Variants in NCOR2 observed in about 807,000 individuals in gnomAD.
The protein encoded by NCOR2 is nuclear receptor corepressor 2, also known as CTG repeat protein 26.
Under a neutral mutation model 262.9 loss-of-function variants are expected in NCOR2, and 81 were observed. That is an observed-to-expected ratio of 0.31 (90% CI 0.26 to 0.37). The LOEUF is 0.37. NCOR2 is among the 10% of genes least tolerant of loss of function. The probability of loss-of-function intolerance (pLI) is 1.00; values close to 1 mark genes in which losing one functional copy is unlikely to be tolerated. For synonymous variants in NCOR2, 1,659 were observed against 1,559.3 expected, an observed-to-expected ratio of 1.06 and a Z score of -1.51; for missense variants, 3,385 against 3,621.4, an observed-to-expected ratio of 0.93 and a Z score of 1.68.
At chr12:124,351,945 C>A (rs759319835) in intron 27 of NCOR2, among the ~76,000 whole-genome samples, 2 of 152,172 alleles carry the variant, frequency 1.3e-5, no homozygotes, top group Non-Finnish European at 2.9e-5. Context: ...TGGGGACATC[C>A]CCTGGCAGAG....
intron 17 of NCOR2, chr12:124,383,393 T>A: frequency 3.2e-6 from 1 of 315,740 alleles, no homozygotes; most frequent in South Asian, 1.0e-4. Flanking sequence ...CAGTGGGATC[T>A]CTGGCTGCAT....
intron 34 of NCOR2, 38 bp from the exon 37 acceptor site, chr12:124,340,789 A>AG: frequency 6.8e-7 from 1 of 1,473,516 alleles, no homozygotes; most frequent in Non-Finnish European, 8.9e-7. Context: ...AGCCACAGGG[A>AG]GGAGAGAGGC....
At chr12:124,446,836 C>G (rs147739853) in intron 7 of NCOR2, among the ~76,000 whole-genome samples, 25 of 152,290 alleles carry the variant, frequency 1.6e-4, no homozygotes, top group African/African-American at 5.8e-4. Flanking sequence ...AATTTACACA[C>G]AAAGGTTTTT....
chr12:124,524,507 G>A lies in NCOR2; in HGVS notation c.-118+11058C>T, dbSNP rs181723652. 4.6e-5 allele frequency among the ~76,000 whole-genome samples: 7 copies of A among 152,284 alleles called. No individual in the cohort carries two copies. In the East Asian group the frequency reaches 1.4e-3, roughly 29 times the overall value. Reference sequence around the variant, plus strand: ...TGGCTGGGCTGGGCTGGTGGCATGAGCCTGTCTGAGAACAAGGCCCGCATG... The same window carrying A: ...TGGCTGGGCTGGGCTGGTGGCATGAACCTGTCTGAGAACAAGGCCCGCATG... On this transcript the variant is annotated intron_variant, in intron 1 of 46. Coordinates refer to the NCOR2 transcript ENST00000404621.
At chr12:124,325,384 C>CCCCCT (rs1555297263) in exon 47 of NCOR2, 19 of 486,604 alleles carry the variant, frequency 3.9e-5, no homozygotes, top group Admixed American at 6.0e-5. Context: ...ACCGCCCCCC[C>CCCCCT]CCCCGCCCTG....
chr12:124,432,252 A>G lies in NCOR2; in HGVS notation c.883-1465T>C, dbSNP rs2044001316. Among the ~76,000 whole-genome samples, 1 of 152,166 alleles carries G rather than the reference A, an allele frequency of 6.6e-6. No homozygotes were observed. The highest frequency in any genetic ancestry group is 1.5e-5 in the Non-Finnish European group (1 of 68,018). On this transcript the variant is annotated intron_variant, in intron 8 of 46. Transcript: ENST00000405201. This position sits in a 1 kb window ranked among gnomAD's most constrained non-coding sequence, Gnocchi z 5.1. ...CACACACACATCACACAGGCAGACGACAGAAAGACAGGCACATAGTTGCAT... is the reference window on the plus strand; with the variant it reads ...CACACACACATCACACAGGCAGACGGCAGAAAGACAGGCACATAGTTGCAT...
chr12:124,486,391 G>T, intron 2 of NCOR2, 50 bp downstream of exon 4: 1 of 1,602,614 alleles, frequency 6.2e-7, no homozygotes, highest in South Asian at 1.1e-5. Context: ...TTCTCCATCT[G>T]AGAAGGAGCT....
At chr12:124,449,971 G>A (rs1381601617) in intron 6 of NCOR2, 104 bp from the exon 9 acceptor site, 7 of 1,193,958 alleles carry the variant, frequency 5.9e-6, no homozygotes, top group Non-Finnish European at 7.2e-6. Context: ...GCTGTCCTCT[G>A]GGTGAGGGCT....
At chr12:124,560,464 G>A (rs902807764) in intron 1 of NCOR2, among the ~76,000 whole-genome samples, 11 of 152,200 alleles carry the variant, frequency 7.2e-5, no homozygotes, top group African/African-American at 2.7e-4. Context: ...CTCAGCTTGT[G>A]CACCATACAG....
At chr12:124,340,464 A>G in intron 35 of NCOR2, 21 bp from the exon 38 acceptor site, 8 of 1,608,520 alleles carry the variant, frequency 5.0e-6, no homozygotes, top group Non-Finnish European at 6.8e-6. Flanking sequence ...CAAAGGCCAG[A>G]GACTCAGCCC....
In NCOR2 at chr12:124,504,651, C is replaced by CA. The variant is rs2048948345; in HGVS notation, c.-117-9284dup. On this transcript the variant is annotated intron_variant, in intron 1 of 46. Transcript: ENST00000404621. The surrounding 1 kb of genome is among the most constrained non-coding windows in gnomAD (Gnocchi z 4.5). The stretch of plus-strand genomic sequence containing the variant: ...AACAACCCAAATGTCCATCTACTGA[C>CA]AAACAGATGAAACAAACGCAGTCTG... 6.6e-6 allele frequency among the ~76,000 whole-genome samples: 1 copy of CA among 152,236 alleles called. No individual in the cohort carries two copies. The highest frequency in any genetic ancestry group is 1.9e-4 in the East Asian group (1 of 5,206).
intron 8 of NCOR2, among the ~76,000 whole-genome samples, chr12:124,433,856 A>C (rs2044138039): frequency 1.8e-5 from 1 of 56,038 alleles, no homozygotes; most frequent in African/African-American, 1.0e-4. Context: ...ACACACACAC[A>C]CACACACACA....
At chr12:124,340,481 CGAA>C (rs775350263) in intron 35 of NCOR2, 38 bp from the exon 38 acceptor site, 3 of 1,598,342 alleles carry the variant, frequency 1.9e-6, no homozygotes, top group Admixed American at 3.4e-5. Flanking sequence ...GCCCCAGGGC[CGAA>C]GAAGAGCCTG....
intron 8 of NCOR2, among the ~76,000 whole-genome samples, chr12:124,437,337 G>A (rs1319875428): frequency 4.6e-5 from 7 of 152,168 alleles, no homozygotes; most frequent in Admixed American, 4.6e-4. Context: ...ACCACCACAT[G>A]CCTCTGGCAG....
chr12:124,410,976 G>A (rs992700494), intron 13 of NCOR2, among the ~76,000 whole-genome samples: 1 of 148,594 alleles, frequency 6.7e-6, no homozygotes, highest in African/African-American at 2.5e-5. Context: ...GGTGGGGGAG[G>A]AGCAGAGACC....
intron 6 of NCOR2, 128 bp from the exon 9 acceptor site, chr12:124,449,995 G>T: frequency 2.2e-6 from 2 of 907,196 alleles, no homozygotes; most frequent in Non-Finnish European, 3.3e-6. Context: ...CCGCAGGCAG[G>T]CATGAAACAG....
At chr12:124,419,903 C>T in intron 13 of NCOR2, 54 bp downstream of exon 15, 2 of 1,521,352 alleles carry the variant, frequency 1.3e-6, no homozygotes, top group Non-Finnish European at 1.8e-6. Context: ...AAGCAAGTGG[C>T]CGCTGAGCAT....
At chr12:124,446,031 C>T (rs535360050) in intron 7 of NCOR2, among the ~76,000 whole-genome samples, 4 of 152,218 alleles carry the variant, frequency 2.6e-5, no homozygotes, top group African/African-American at 4.8e-5. Context: ...CATGGTGGGA[C>T]GGGGCCTGCA....
intron 1 of NCOR2, among the ~76,000 whole-genome samples, chr12:124,546,926 G>A (rs1364909494): frequency 1.3e-5 from 2 of 152,142 alleles, no homozygotes; most frequent in African/African-American, 2.4e-5. Flanking sequence ...ACTGAACAAT[G>A]GCCCCAAAGC....
Sources: gnomAD v4.1 joint callset for allele counts (sites outside exome capture counted in the v4.1 genomes callset) on GRCh38, gnomAD v4.1.1 for gene constraint, Gnocchi (gnomAD v3.1) non-coding constraint, MANE v1.5 for transcripts, NCBI Gene and HGNC (gene_info 2026-07-23, HGNC 2026-07-21) for gene names.